The following VWA5B1 variants were observed in gnomAD, a reference collection of about 807,000 sequenced individuals.
VWA5B1 encodes the protein von Willebrand factor A domain containing 5B1.
VWA5B1 carries 115 observed loss-of-function variants against 118.2 expected under a neutral mutation model. That is an observed-to-expected ratio of 0.97 (90% CI 0.84 to 1.14). The LOEUF (loss-of-function observed/expected upper bound fraction) is 1.14. VWA5B1 is among the 50% of genes most tolerant of loss of function. VWA5B1 has a pLI of 0.00. For synonymous variants in VWA5B1, 682 were observed against 658.4 expected (o/e 1.04, Z -0.55); for missense variants, 1,596 against 1,603.8 (o/e 1.00, Z 0.08).
intron 2 of VWA5B1, among the ~76,000 whole-genome samples, chr1:20,311,486 C>T (rs544681361): frequency 8.5e-5 from 13 of 152,308 alleles, no homozygotes; most frequent in South Asian, 2.1e-4. Flanking sequence ...TGGATTGTGG[C>T]GGAGCAGATG....
chr1:20,350,062 G>T (rs1417736095), intron 18 of VWA5B1, 94 bp from the exon 19 acceptor site: 7 of 1,311,816 alleles, frequency 5.3e-6, no homozygotes, highest in African/African-American at 4.4e-5. Context: ...CAACCCACCT[G>T]CAGACACCGT....
chr1:20,328,180 T>C (rs1257476951), intron 9 of VWA5B1, among the ~76,000 whole-genome samples, 180 bp downstream of exon 9: 3 of 152,092 alleles, frequency 2.0e-5, no homozygotes, highest in Admixed American at 1.3e-4. Flanking sequence ...TGTTTGGACA[T>C]TTTTCTGACA....
At chr1:20,333,953 G>A (rs2089644480) in intron 12 of VWA5B1, among the ~76,000 whole-genome samples, 1 of 152,194 alleles carries the variant, frequency 6.6e-6, no homozygotes, top group South Asian at 2.1e-4. Context: ...AAAATAAAAG[G>A]GGCCAATGCT....
At chr1:20,298,007 T>G (rs1386683347) in intron 1 of VWA5B1, among the ~76,000 whole-genome samples, 389 of 149,832 alleles carry the variant, frequency 2.6e-3, no homozygotes, top group Middle Eastern at 6.8e-3. Context: ...TTTTTTTTTT[T>G]TTTTTTTTTT....
intron 2 of VWA5B1, 24 bp from the exon 3 acceptor site, chr1:20,312,812 T>C (rs2100844618): frequency 6.5e-7 from 1 of 1,535,614 alleles, no homozygotes; most frequent in Non-Finnish European, 8.8e-7. Flanking sequence ...GGGCACCCCG[T>C]GATGCTGGGC....
At chr1:20,351,154 A>G (rs1336018929) in intron 20 of VWA5B1, among the ~76,000 whole-genome samples, 1 of 152,182 alleles carries the variant, frequency 6.6e-6, no homozygotes, top group Non-Finnish European at 1.5e-5. Context: ...CTCTTTCCAA[A>G]TGCAAGTATG....
At chr1:20,319,243 C>T in intron 6 of VWA5B1, 139 bp from the exon 7 acceptor site, 3 of 1,306,164 alleles carry the variant, frequency 2.3e-6, no homozygotes, top group Non-Finnish European at 3.1e-6. Flanking sequence ...CCCTACACTG[C>T]TTCAGGCAGC....
chr1:20,332,498 A>T (rs1256324308), intron 11 of VWA5B1, among the ~76,000 whole-genome samples: 1 of 142,502 alleles, frequency 7.0e-6, no homozygotes, highest in African/African-American at 2.6e-5. Context: ...ATAAAATAAA[A>T]TAAAATAAAA....
intron 7 of VWA5B1, among the ~76,000 whole-genome samples, chr1:20,319,951 G>A (rs980064146): frequency 3.3e-5 from 5 of 151,676 alleles, no homozygotes; most frequent in East Asian, 1.9e-4. Flanking sequence ...GCAGAGTGGG[G>A]AAAGCCTGAG....
At chr1:20,309,791 A>T (rs2088786893) in intron 1 of VWA5B1, among the ~76,000 whole-genome samples, 1 of 152,128 alleles carries the variant, frequency 6.6e-6, no homozygotes, top group Non-Finnish European at 1.5e-5. Flanking sequence ...CAGGAGCTGC[A>T]GTCCAGGCAG....
chr1:20,345,633 A>G (rs2089992373), intron 17 of VWA5B1, 40 bp downstream of exon 17: 3 of 1,509,962 alleles, frequency 2.0e-6, no homozygotes, highest in Non-Finnish European at 2.7e-6. Flanking sequence ...CTGGGGGCCA[A>G]GCAGCCCCTG....
intron 1 of VWA5B1, among the ~76,000 whole-genome samples, chr1:20,302,775 G>C (rs78342120): frequency 3.9e-5 from 6 of 152,266 alleles, no homozygotes; most frequent in African/African-American, 1.4e-4. Flanking sequence ...ATTGAAGCTG[G>C]CCTTGAAGGA....
chr1:20,320,426 G>T (rs969621015), intron 7 of VWA5B1, among the ~76,000 whole-genome samples: 1 of 152,228 alleles, frequency 6.6e-6, no homozygotes, highest in African/African-American at 2.4e-5. Context: ...TCCCAGAGGT[G>T]CCCCTCAGCC....
chr1:20,343,000 G>A (rs1459761482), intron 15 of VWA5B1, 79 bp from the exon 16 acceptor site: 11 of 1,454,308 alleles, frequency 7.6e-6, no homozygotes, highest in Non-Finnish European at 1.0e-5. Flanking sequence ...TCTGCTCCCT[G>A]GGGAGGAATG....
intron 7 of VWA5B1, among the ~76,000 whole-genome samples, chr1:20,320,116 G>T (rs1396057846): frequency 6.6e-6 from 1 of 152,224 alleles, no homozygotes; most frequent in African/African-American, 2.4e-5. Flanking sequence ...CCTGCACACT[G>T]AGCCAGGTCC....
chr1:20,342,061 A>G (rs1325903279), intron 14 of VWA5B1, among the ~76,000 whole-genome samples: 2 of 151,888 alleles, frequency 1.3e-5, no homozygotes, highest in Non-Finnish European at 2.9e-5. Context: ...AGTATGACAT[A>G]TGGGAAGACA....
At chr1:20,348,627 T>G (rs1406876314) in intron 18 of VWA5B1, among the ~76,000 whole-genome samples, 1 of 152,158 alleles carries the variant, frequency 6.6e-6, no homozygotes, top group Non-Finnish European at 1.5e-5. Context: ...ACCTCTCCCC[T>G]TCTGAGGTCT....
chr1:20,323,525 G>A lies in VWA5B1; in HGVS notation c.1136G>A (p.Arg379Gln), dbSNP rs1357771301. The part of the protein sequence containing the change: ...SSSMSGISMH[R>Q]VKDAMLVALK... ...AGCATGAGCGGGATCAGCATGCACC[G>A]AGTCAAGGTACCTGCTGAGAGAACC... The change falls in exon 8 of 22, where the codon CGA becomes CAA. Residue 379 changes from arginine to glutamine, a missense_variant. Arg to Gln is a conservative substitution (Grantham distance 43, BLOSUM62 1). Transcript: ENST00000289815. 19 of 1,462,254 alleles carry A rather than the reference G, an allele frequency of 1.3e-5. No individual in the cohort carries two copies. The South Asian group carries it at 1.7e-4, about 13-fold the overall frequency. The allele number at this position is 1,462,254 out of a possible 1,614,324, so 90.6% of individuals were successfully genotyped here.
chr1:20,330,830 G>A (rs1378578537), intron 10 of VWA5B1, 39 bp from the exon 11 acceptor site: 15 of 1,534,022 alleles, frequency 9.8e-6, no homozygotes, highest in African/African-American at 1.4e-5. Flanking sequence ...GATGCAGAGA[G>A]GATAAGACAT....
Sources: gnomAD v4.1 joint callset for allele counts (sites outside exome capture counted in the v4.1 genomes callset) on GRCh38, gnomAD v4.1.1 for gene constraint, MANE v1.5 for transcripts, NCBI Gene and HGNC (gene_info 2026-07-23, HGNC 2026-07-21) for gene names.